The following ADAM12 variants were observed in gnomAD, a reference collection of about 807,000 sequenced individuals.
The protein encoded by ADAM12 is disintegrin and metalloproteinase domain-containing protein 12.
Under a neutral mutation model 106.4 loss-of-function variants are expected in ADAM12, and 70 were observed. That is an observed-to-expected ratio of 0.66 (90% confidence interval 0.54 to 0.80). The LOEUF is 0.80. Ranked by LOEUF, ADAM12 falls within the 30% of genes least tolerant of loss-of-function variation. The probability of loss-of-function intolerance (pLI) is 0.00; values close to 1 mark genes in which losing one functional copy is unlikely to be tolerated. For synonymous variants in ADAM12, 420 were observed against 433.5 expected (o/e 0.97, Z 0.39); for missense variants, 1,010 against 1,171.9 (o/e 0.86, Z 2.02).
At chr10:126,371,308 G>T (rs1178020850) in intron 1 of ADAM12, among the ~76,000 whole-genome samples, 2 of 152,208 alleles carry the variant, frequency 1.3e-5, no homozygotes, top group East Asian at 1.9e-4. Context: ...AAATGTGATT[G>T]TTTTCCAGGT....
At position 126,049,988 on chromosome 10, in the gene ADAM12, GTGGCTGGC is replaced by G. The variant is rs60411537; in HGVS notation, c.1610-327_1610-320del. Reference sequence around the variant, plus strand: ...AGATCTGATCCAGGGCAGAAAGGAGGTGGCTGGCTGGCTGGCTGGCTGGCTGGCTGGCT... The same window carrying G: ...AGATCTGATCCAGGGCAGAAAGGAGGTGGCTGGCTGGCTGGCTGGCTGGCT... On this transcript the variant is annotated intron_variant, in intron 14 of 22. Transcript: ENST00000448723. The surrounding 1 kb of genome is among the most constrained non-coding windows in gnomAD (Gnocchi z 4.4). Among the ~76,000 whole-genome samples the G allele has an allele frequency of 1.3e-3, 198 of 149,942 alleles. 2 individuals carry two copies. Among genetic ancestry groups the G allele is most frequent in the Middle Eastern group, 6.8e-3 (2 of 292 alleles).
At chr10:126,176,814 C>T (rs912916651) in intron 3 of ADAM12, among the ~76,000 whole-genome samples, 2 of 152,158 alleles carry the variant, frequency 1.3e-5, no homozygotes, top group African/African-American at 4.8e-5. Flanking sequence ...GACTCTTCCA[C>T]GTGATGTCTG....
At chr10:126,081,646 T>C (rs1009249924) in intron 11 of ADAM12, among the ~76,000 whole-genome samples, 1 of 152,220 alleles carries the variant, frequency 6.6e-6, no homozygotes, top group African/African-American at 2.4e-5. Flanking sequence ...CTGTACTTCA[T>C]TGAGCCTCTG....
chr10:126,112,849 TTCCTGAAACCCAGTGTCC>T, intron 6 of ADAM12, among the ~76,000 whole-genome samples: 1 of 152,252 alleles, frequency 6.6e-6, no homozygotes, highest in African/African-American at 2.4e-5. Context: ...GAAACTCATA[TTCCTGAAACCCAGTGTCC>T]TCCTGAAACC....
intron 1 of ADAM12, among the ~76,000 whole-genome samples, chr10:126,335,220 G>A (rs116658177): frequency 0.011 from 1,624 of 152,264 alleles, 41 homozygotes; most frequent in African/African-American, 0.038. Flanking sequence ...CACCCAGTGG[G>A]CCATTGAGAA....
chr10:126,124,467 C>T (rs547452363), intron 5 of ADAM12, among the ~76,000 whole-genome samples: 9 of 152,174 alleles, frequency 5.9e-5, no homozygotes, highest in Non-Finnish European at 1.3e-4. Flanking sequence ...TTTTACTATG[C>T]GCGAGACACT....
At chr10:126,019,410 C>T (rs1479160365) in intron 22 of ADAM12, among the ~76,000 whole-genome samples, 1 of 152,194 alleles carries the variant, frequency 6.6e-6, no homozygotes, top group Non-Finnish European at 1.5e-5. Flanking sequence ...TTGTGTCTTA[C>T]AGGCCTGGCT....
chr10:126,370,996 C>T (rs552036278), intron 1 of ADAM12, among the ~76,000 whole-genome samples: 3 of 152,208 alleles, frequency 2.0e-5, no homozygotes, highest in Non-Finnish European at 4.4e-5. Flanking sequence ...TGTTAAATGC[C>T]GGTGTCATCA....
At chr10:126,157,118 G>T (rs1461728392) in intron 3 of ADAM12, among the ~76,000 whole-genome samples, 2 of 152,200 alleles carry the variant, frequency 1.3e-5, no homozygotes, top group East Asian at 3.9e-4. Flanking sequence ...AGCATGTTGA[G>T]CTGGGATGTC....
intron 17 of ADAM12, 121 bp downstream of exon 17, chr10:126,045,934 T>A: frequency 1.2e-6 from 1 of 836,580 alleles, no homozygotes; most frequent in Non-Finnish European, 1.9e-6. Flanking sequence ...AAGAAAATAT[T>A]TCAAACACAA....
intron 1 of ADAM12, among the ~76,000 whole-genome samples, chr10:126,387,809 G>A (rs1242315757): frequency 6.6e-6 from 1 of 151,966 alleles, no homozygotes; most frequent in Non-Finnish European, 1.5e-5. Context: ...GAGCGGTCCC[G>A]AGGCTGTGCC....
chr10:126,288,554 A>G (rs1303612877), intron 2 of ADAM12, among the ~76,000 whole-genome samples: 2 of 152,204 alleles, frequency 1.3e-5, no homozygotes, highest in African/African-American at 4.8e-5. Flanking sequence ...GTGTGGTGAC[A>G]TGATGGCCTG....
intron 1 of ADAM12, among the ~76,000 whole-genome samples, chr10:126,331,736 A>G (rs572672008): frequency 6.6e-6 from 1 of 152,234 alleles, no homozygotes; most frequent in South Asian, 2.1e-4. Context: ...GGAAGGAGGG[A>G]GGGGACTATG....
At chr10:126,059,524 C>T (rs1173405578) in intron 14 of ADAM12, among the ~76,000 whole-genome samples, 1 of 152,194 alleles carries the variant, frequency 6.6e-6, no homozygotes, top group Non-Finnish European at 1.5e-5. Flanking sequence ...TGGCAAAAAT[C>T]TCTTTTTTTC....
At chr10:126,265,035 A>T (rs2133719220) in intron 3 of ADAM12, among the ~76,000 whole-genome samples, 1 of 152,344 alleles carries the variant, frequency 6.6e-6, no homozygotes, top group East Asian at 1.9e-4. Context: ...GTGAAAATAC[A>T]AGGCTTTTGG....
chr10:126,181,303 C>T (rs1056673357), intron 3 of ADAM12, among the ~76,000 whole-genome samples: 1 of 152,098 alleles, frequency 6.6e-6, no homozygotes, highest in African/African-American at 2.4e-5. Flanking sequence ...AACTCCTGAC[C>T]TCAAGTGATC....
At chr10:126,235,787 C>T (rs763194852) in intron 3 of ADAM12, among the ~76,000 whole-genome samples, 3 of 152,110 alleles carry the variant, frequency 2.0e-5, no homozygotes, top group Admixed American at 6.5e-5. Flanking sequence ...TGGTCGTGTT[C>T]GAGGAGAGTG....
chr10:126,207,797 C>T (rs757314236), intron 3 of ADAM12, among the ~76,000 whole-genome samples: 87 of 152,206 alleles, frequency 5.7e-4, no homozygotes, highest in Non-Finnish European at 9.7e-4. Flanking sequence ...TCTTGTTTCA[C>T]TCATCTCTTT....
chr10:126,140,306 T>G (rs528789637), intron 4 of ADAM12, among the ~76,000 whole-genome samples: 4 of 152,370 alleles, frequency 2.6e-5, no homozygotes, highest in African/African-American at 9.6e-5. Context: ...TCAAGCTCAT[T>G]TATACTCAAT....
Sources: gnomAD v4.1 joint callset for allele counts (sites outside exome capture counted in the v4.1 genomes callset) on GRCh38, gnomAD v4.1.1 for gene constraint, Gnocchi (gnomAD v3.1) non-coding constraint, MANE v1.5 for transcripts, NCBI Gene and HGNC (gene_info 2026-07-23, HGNC 2026-07-21) for gene names.